Variants in KLHL12 observed in about 807,000 individuals in gnomAD.
KLHL12 encodes the protein kelch like family member 12, also known as kelch-like protein 12.
KLHL12 carries 17 observed loss-of-function variants against 60.8 expected under a neutral mutation model. The ratio of observed to expected loss-of-function variants is 0.28; its 90% CI spans 0.19 to 0.42. The LOEUF (loss-of-function observed/expected upper bound fraction) is 0.42. Among genes scored for constraint, KLHL12 ranks in the 10% least tolerant of loss-of-function variants. The pLI is 1.00. For missense variants in KLHL12, 468 were observed against 722.3 expected, an observed-to-expected ratio of 0.65 and a Z score of 4.04; for synonymous variants, 220 against 250.9, an observed-to-expected ratio of 0.88 and a Z score of 1.16.
At chr1:202,901,000 C>T (rs1368144070) in intron 6 of KLHL12, among the ~76,000 whole-genome samples, 1 of 152,114 alleles carries the variant, frequency 6.6e-6, no homozygotes, top group Non-Finnish European at 1.5e-5. Flanking sequence ...GAGCCGAGAT[C>T]ATGCCGCTAC....
Position 202,894,260 on chromosome 1 carries a change from G to C in KLHL12, c.1317C>G (p.Ile439Met). The C allele has an allele frequency of 6.4e-7, 1 of 1,555,928 alleles. No individual in the cohort carries two copies. The highest frequency in any genetic ancestry group is 2.4e-5 in the East Asian group (1 of 41,872). ...YCLGGYDGLN[I>M]LNSVEKYDPH... is the part of the protein sequence containing the mutation. ...GGTCGTATTTCTCAACTGAATTTAA[G>C]ATATTCAAGCCGTCATATCCTCCTG... is the stretch of plus-strand genomic sequence containing the variant. Residue 439 changes from isoleucine (I) to methionine (M), a missense_variant, in exon 10 of 12, where the codon ATC becomes ATG. Ile to Met is a conservative substitution (Grantham distance 10, BLOSUM62 1). This residue lies in a region of KLHL12 where 339 missense variants were observed against 525.0 expected (regional missense o/e 0.65). Transcript: ENST00000367261.
At chr1:202,911,937 G>A (rs573280263) in intron 4 of KLHL12, 52 of 822,544 alleles carry the variant, frequency 6.3e-5, no homozygotes, top group Non-Finnish European at 3.8e-5. Flanking sequence ...GAATGCTCAC[G>A]GACTGTGTGG....
chr1:202,923,704 A>C (rs1653342064), intron 2 of KLHL12, among the ~76,000 whole-genome samples: 1 of 152,194 alleles, frequency 6.6e-6, no homozygotes, highest in African/African-American at 2.4e-5. Flanking sequence ...TCATTTGTAA[A>C]ATGAGATGGT....
rs1415485924 is a variant in KLHL12, at chr1:202,893,788, G to A, written c.1394-363C>T. Among the ~76,000 whole-genome samples the A allele has an allele frequency of 6.6e-6, 1 of 152,190 alleles. No individual in the cohort carries two copies. The highest frequency in any genetic ancestry group is 1.5e-5 in the Non-Finnish European group (1 of 68,038). On this transcript the variant is annotated intron_variant, in intron 10 of 11. Coordinates refer to ENST00000367261, the MANE Select transcript of KLHL12 (RefSeq NM_021633.4). This position sits in a 1 kb window ranked among gnomAD's most constrained non-coding sequence, Gnocchi z 4.1. ...CTGAAGCAATTTTTACCCAGAGTAA[G>A]TAAACTAGAACAGCACAGTGCTCTC...
At position 202,892,083 on chromosome 1, in the gene KLHL12, G is replaced by GAA. The variant is rs34231569; in HGVS notation, c.*448_*449dup. ...ATATGAGAAAATGTAGTTGTTCCTG[G>GAA]AAAAAAAAAAAAAGACTTGGATTTT... On this transcript the variant is annotated 3_prime_UTR_variant, in exon 12 of 12. Coordinates refer to ENST00000367261, the MANE Select transcript of KLHL12 (RefSeq NM_021633.4). 109,442 of 143,030 alleles carry GAA rather than the reference G, an allele frequency of 0.77. 43,008 individuals are homozygous for GAA. The highest frequency in any genetic ancestry group is 0.85 in the East Asian group (4,170 of 4,918). The allele number at this position is 143,030 out of a possible 1,614,324, so 8.9% of individuals were successfully genotyped here.
chr1:202,908,372 T>C lies in KLHL12; in HGVS notation c.832+638A>G, dbSNP rs1660259095. Among the ~76,000 whole-genome samples the C allele has an allele frequency of 2.0e-5, 3 of 152,338 alleles. No homozygotes were observed. The South Asian group carries it at 6.2e-4, about 32-fold the overall frequency. On this transcript the variant is annotated intron_variant, in intron 6 of 11. Coordinates refer to ENST00000367261, the MANE Select transcript of KLHL12 (RefSeq NM_021633.4). ...TAATAGCTAATACACATAGTTATTATGTGCCAAGAAGTGTTTTAAGGCTTT... is the reference window on the plus strand; with the variant it reads ...TAATAGCTAATACACATAGTTATTACGTGCCAAGAAGTGTTTTAAGGCTTT...
At chr1:202,897,707 T>C (rs954659355) in intron 6 of KLHL12, among the ~76,000 whole-genome samples, 4 of 152,110 alleles carry the variant, frequency 2.6e-5, no homozygotes, top group African/African-American at 7.2e-5. Flanking sequence ...TGTTGAAACT[T>C]AGGATCCAAG....
At chr1:202,904,371 T>C (rs996972925) in intron 6 of KLHL12, among the ~76,000 whole-genome samples, 54 of 33,400 alleles carry the variant, frequency 1.6e-3, no homozygotes, top group African/African-American at 3.7e-3. Flanking sequence ...TTGTATATGA[T>C]TTTTTTATTT....
At chr1:202,914,908 G>A (rs1035406054) in intron 4 of KLHL12, 4 of 151,518 alleles carry the variant, frequency 2.6e-5, no homozygotes, top group African/African-American at 7.3e-5. Flanking sequence ...AGCAGCAGGT[G>A]TGGAGCAAGA....
chr1:202,908,002 A>G (rs540000119), intron 6 of KLHL12, among the ~76,000 whole-genome samples: 1 of 152,318 alleles, frequency 6.6e-6, no homozygotes, highest in Admixed American at 6.5e-5. Context: ...AGCACGCATC[A>G]TGAGTCCTCA....
At chr1:202,906,771 C>T (rs2102427228) in intron 6 of KLHL12, among the ~76,000 whole-genome samples, 1 of 152,220 alleles carries the variant, frequency 6.6e-6, no homozygotes, top group African/African-American at 2.4e-5. Context: ...AAGCGATTCT[C>T]CTGCCTCAGC....
chr1:202,922,855 G>GA lies in KLHL12; in HGVS notation c.195+2112dup, dbSNP rs968861780. On this transcript the variant is annotated intron_variant, in intron 2 of 11. Transcript: ENST00000367261. ...TATCATTCTTATTAAAGTATTTCAG[G>GA]AAAAAAAAAAGAGAGAGAGAGAGAG... 2.7e-3 allele frequency among the ~76,000 whole-genome samples: 391 copies of GA among 146,098 alleles called. 2 individuals carry two copies. The East Asian group carries it at 0.039, about 15-fold the overall frequency.
chr1:202,924,740 T>C (rs974643631), intron 2 of KLHL12, among the ~76,000 whole-genome samples: 1 of 152,242 alleles, frequency 6.6e-6, no homozygotes, highest in African/African-American at 2.4e-5. Context: ...CATAAAATAA[T>C]CTTCACAACA....
At chr1:202,920,444 T>G (rs1660656909) in intron 2 of KLHL12, among the ~76,000 whole-genome samples, 1 of 124,222 alleles carries the variant, frequency 8.1e-6, no homozygotes, top group Admixed American at 1.0e-4. Context: ...TGGTGCCATC[T>G]CGGCTCACTG....
chr1:202,909,364 T>A lies in KLHL12; in HGVS notation c.718-240A>T, dbSNP rs3820152. On this transcript the variant is annotated intron_variant, in intron 5 of 11. Transcript: ENST00000367261. This position sits in a 1 kb window ranked among gnomAD's most constrained non-coding sequence, Gnocchi z 4.1. ...AAAAATCAAATGATATAAACAGATA[T>A]GTTGAGCAGTATTTCCCATCTATCG... is the stretch of plus-strand genomic sequence containing the variant. Among the ~76,000 whole-genome samples, 82,998 of 150,688 alleles carry A rather than the reference T, an allele frequency of 0.55. 23,590 individuals carry two copies. The highest frequency in any genetic ancestry group is 0.62 in the Non-Finnish European group (42,122 of 67,800).
At position 202,892,214 on chromosome 1, in the gene KLHL12, A is replaced by G. The variant is rs12089566; in HGVS notation, c.*319T>C. 62,934 of 258,196 alleles carry G rather than the reference A, an allele frequency of 0.24. 9,116 individuals carry two copies. Among genetic ancestry groups the G allele is most frequent in the East Asian group, 0.59 (6,917 of 11,756 alleles). 16.0% of individuals were successfully genotyped at this position (258,196 alleles called of 1,614,324 possible). ...TTCTTTGCAACATATGAGGCACAAC[A>G]TACATATAGTACACCAAGCATGTGG... is the stretch of plus-strand genomic sequence containing the variant. On this transcript the variant is annotated 3_prime_UTR_variant, in exon 12 of 12. Transcript: ENST00000367261.
intron 4 of KLHL12, among the ~76,000 whole-genome samples, chr1:202,915,385 C>T (rs1387883836): frequency 6.6e-6 from 1 of 152,042 alleles, no homozygotes; most frequent in Non-Finnish European, 1.5e-5. Flanking sequence ...CATCTGGTTC[C>T]TATTTCTGGC....
chr1:202,907,576 T>C (rs1333906095), intron 6 of KLHL12, among the ~76,000 whole-genome samples: 1 of 135,420 alleles, frequency 7.4e-6, no homozygotes, highest in East Asian at 2.1e-4. Flanking sequence ...CCAGTCTGGG[T>C]GACAGAGCAA....
intron 2 of KLHL12, among the ~76,000 whole-genome samples, chr1:202,921,471 G>A (rs1021331976): frequency 1.8e-4 from 28 of 152,152 alleles, no homozygotes; most frequent in Admixed American, 1.1e-3. Flanking sequence ...CACCATGCCC[G>A]GCCCTTAGAC....
Sources: allele counts gnomAD v4.1 joint callset (sites outside exome capture counted in the v4.1 genomes callset), GRCh38; gene constraint gnomAD v4.1.1; regional missense constraint gnomAD v4.1.1; non-coding constraint Gnocchi (gnomAD v3.1); transcripts MANE v1.5; gene names NCBI Gene and HGNC (gene_info 2026-07-23, HGNC 2026-07-21).